Variants in MACROD2 observed in about 807,000 individuals in gnomAD.
MACROD2 encodes ADP-ribose glycohydrolase MACROD2.
In MACROD2, 36 loss-of-function variants were observed where a neutral mutation model predicts 70.4. The ratio of observed to expected loss-of-function variants is 0.51; its 90% CI spans 0.39 to 0.68. The LOEUF (loss-of-function observed/expected upper bound fraction) is 0.68. MACROD2 is among the 30% of genes least tolerant of loss of function. The pLI is 0.00. For missense variants in MACROD2, 496 were observed against 538.4 expected, an observed-to-expected ratio of 0.92 and a Z score of 0.78; for synonymous variants, 172 against 178.8, an observed-to-expected ratio of 0.96 and a Z score of 0.30.
intron 3 of MACROD2, among the ~76,000 whole-genome samples, chr20:14,332,630 C>T (rs750411037): frequency 6.6e-6 from 1 of 152,072 alleles, no homozygotes; most frequent in Non-Finnish European, 1.5e-5. Context: ...AATGATTTCT[C>T]TCACAGAATG....
chr20:15,933,651 C>T (rs1231884195), intron 11 of MACROD2, among the ~76,000 whole-genome samples: 2 of 152,074 alleles, frequency 1.3e-5, no homozygotes, highest in Non-Finnish European at 2.9e-5. Context: ...TTAGGTCAAG[C>T]TCAAATTAGT....
At chr20:15,986,444 G>T (rs1247869060) in intron 13 of MACROD2, among the ~76,000 whole-genome samples, 1 of 152,156 alleles carries the variant, frequency 6.6e-6, no homozygotes, top group East Asian at 1.9e-4. Context: ...AAATTTCCAG[G>T]TTGTGTCCTC....
intron 5 of MACROD2, among the ~76,000 whole-genome samples, chr20:14,857,266 T>G (rs1304477909): frequency 6.6e-6 from 1 of 152,172 alleles, no homozygotes; most frequent in Non-Finnish European, 1.5e-5. Flanking sequence ...TGCTCCCACT[T>G]ATATCTCCTG....
rs569023200 is a variant in MACROD2, at chr20:15,018,765, C to T, written c.419-211175C>T. Among the ~76,000 whole-genome samples, 549 of 152,258 alleles carry T rather than the reference C, an allele frequency of 3.6e-3. 18 individuals carry two copies. The highest frequency in any genetic ancestry group is 0.034 in the Admixed American group (527 of 15,286). On this transcript the variant is annotated intron_variant, in intron 5 of 17. Transcript: ENST00000684519. ...CAGATTAAGGGTGGATCTGCCTTCCCCAGCCCACTGACTCAAATGTTCATC... is the reference window on the plus strand; with the variant it reads ...CAGATTAAGGGTGGATCTGCCTTCCTCAGCCCACTGACTCAAATGTTCATC...
rs185958702 is a variant in MACROD2 at position 14,510,440 on chromosome 20, A to C, written c.301+16932A>C. Among the ~76,000 whole-genome samples, 53 of 152,190 alleles carry C rather than the reference A, an allele frequency of 3.5e-4. No homozygotes were observed. The East Asian group carries it at 9.8e-3, about 28-fold the overall frequency. On this transcript the variant is annotated intron_variant, in intron 4 of 17. Coordinates refer to ENST00000684519, the MANE Select transcript of MACROD2 (RefSeq NM_001351661.2). ...AGGACATTTATTTTTGTTTGTCTTTACCTCACTTTCACAAGGAATTTCAGA... is the reference window on the plus strand; with the variant it reads ...AGGACATTTATTTTTGTTTGTCTTTCCCTCACTTTCACAAGGAATTTCAGA...
intron 8 of MACROD2, among the ~76,000 whole-genome samples, chr20:15,658,259 G>A (rs1018319322): frequency 7.1e-6 from 1 of 140,932 alleles, no homozygotes; most frequent in Non-Finnish European, 1.5e-5. Flanking sequence ...TATCAAGCTC[G>A]CTATGCAATT....
At chr20:15,540,400 G>C (rs946964176) in intron 8 of MACROD2, among the ~76,000 whole-genome samples, 3 of 152,174 alleles carry the variant, frequency 2.0e-5, no homozygotes, top group Admixed American at 2.0e-4. Context: ...TAGTTTGGAT[G>C]GTGAGGCAAG....
At chr20:14,106,690 G>A (rs1251065590) in intron 3 of MACROD2, among the ~76,000 whole-genome samples, 2 of 152,180 alleles carry the variant, frequency 1.3e-5, no homozygotes, top group Non-Finnish European at 1.5e-5. Context: ...ACAAGGATAT[G>A]TGTGTCCCTA....
chr20:14,415,257 G>A (rs149803893), intron 3 of MACROD2, among the ~76,000 whole-genome samples: 1 of 152,216 alleles, frequency 6.6e-6, no homozygotes, highest in African/African-American at 2.4e-5. Flanking sequence ...AATGTACTAT[G>A]AGTACAACTT....
At chr20:15,538,373 C>T (rs1312183294) in intron 8 of MACROD2, among the ~76,000 whole-genome samples, 2 of 152,112 alleles carry the variant, frequency 1.3e-5, no homozygotes, top group Admixed American at 1.3e-4. Flanking sequence ...ATGTAAAAGA[C>T]GGGCTTCAAA....
At chr20:14,534,931 T>C (rs921717655) in intron 4 of MACROD2, among the ~76,000 whole-genome samples, 22 of 152,132 alleles carry the variant, frequency 1.4e-4, no homozygotes, top group Non-Finnish European at 2.1e-4. Context: ...ATGAAATATA[T>C]TGTTGTCCTT....
In MACROD2 at chr20:15,321,951, C is replaced by T. The variant is rs1031823508; in HGVS notation, c.540+91890C>T. Among the ~76,000 whole-genome samples, 60 of 143,316 alleles carry T rather than the reference C, an allele frequency of 4.2e-4. 2 individuals are homozygous for T. The highest frequency in any genetic ancestry group is 1.4e-3 in the African/African-American group (58 of 40,180). 94.0% of individuals were successfully genotyped at this position (143,316 alleles called of 152,430 possible). On this transcript the variant is annotated intron_variant, in intron 6 of 17. Transcript: ENST00000684519. ...GGGACTACAGGCACATGCCACCATG[C>T]CCAGCTAATTATTGTATTTTTAGTA...
chr20:15,291,733 A>C (rs530584558), intron 6 of MACROD2, among the ~76,000 whole-genome samples: 157 of 152,332 alleles, frequency 1.0e-3, no homozygotes, highest in African/African-American at 3.7e-3. Context: ...AAAATTGTGG[A>C]GGACACAGCT....
chr20:15,645,006 G>T (rs1007363002), intron 8 of MACROD2, among the ~76,000 whole-genome samples: 4 of 152,114 alleles, frequency 2.6e-5, no homozygotes, highest in Non-Finnish European at 5.9e-5. Flanking sequence ...TTTTTTTCAA[G>T]TAAATCCAGA....
intron 12 of MACROD2, among the ~76,000 whole-genome samples, chr20:15,958,549 C>T (rs1351176919): frequency 1.3e-5 from 2 of 152,130 alleles, no homozygotes; most frequent in African/African-American, 4.8e-5. Flanking sequence ...ATTTCCAAAT[C>T]TATTCTGAGG....
intron 8 of MACROD2, among the ~76,000 whole-genome samples, chr20:15,621,209 AG>A (rs1256808601): frequency 7.9e-5 from 12 of 152,282 alleles, no homozygotes; most frequent in Admixed American, 7.8e-4. Context: ...GCTCTCATTG[AG>A]TCATGTGCAT....
At chr20:15,299,088 G>A (rs1178291425) in intron 6 of MACROD2, among the ~76,000 whole-genome samples, 1 of 152,150 alleles carries the variant, frequency 6.6e-6, no homozygotes, top group Non-Finnish European at 1.5e-5. Flanking sequence ...CTAAGACACA[G>A]AACCATATTT....
At chr20:15,726,007 T>A (rs2050857360) in intron 8 of MACROD2, among the ~76,000 whole-genome samples, 1 of 152,126 alleles carries the variant, frequency 6.6e-6, no homozygotes, top group African/African-American at 2.4e-5. Context: ...GGGGGTTTGA[T>A]GGACAGATTA....
chr20:15,240,295 C>T (rs910466226), intron 6 of MACROD2, among the ~76,000 whole-genome samples: 10 of 152,144 alleles, frequency 6.6e-5, no homozygotes, highest in African/African-American at 1.9e-4. Context: ...AAAATCTGCT[C>T]GCTTAGTTAT....
Sources: allele counts gnomAD v4.1 joint callset (sites outside exome capture counted in the v4.1 genomes callset), GRCh38; gene constraint gnomAD v4.1.1; transcripts MANE v1.5; gene names NCBI Gene and HGNC (gene_info 2026-07-23, HGNC 2026-07-21).